DDAH1: variants seen among roughly 807,000 people sequenced by gnomAD.
The protein encoded by DDAH1 is N(G),N(G)-dimethylarginine dimethylaminohydrolase 1.
In DDAH1, 19 loss-of-function variants were observed where a neutral mutation model predicts 28.8. The ratio of observed to expected loss-of-function variants is 0.66; its 90% CI spans 0.46 to 0.97. The LOEUF (loss-of-function observed/expected upper bound fraction) is 0.97, where lower values mean the gene tolerates loss of function less well. Among genes scored for constraint, DDAH1 ranks in the 50% least tolerant of loss-of-function variants. The probability of loss-of-function intolerance (pLI) is 0.00; values close to 1 mark genes in which losing one functional copy is unlikely to be tolerated. For synonymous variants in DDAH1, 153 were observed against 154.4 expected (o/e 0.99, Z 0.07); for missense variants, 326 against 375.9 (o/e 0.87, Z 1.10).
chr1:85,493,414 A>G (rs1570606272), intron 2 of DDAH1: 2 of 152,284 alleles, frequency 1.3e-5, no homozygotes, highest in Admixed American at 1.3e-4. Flanking sequence ...AATCACCACA[A>G]CATACTAATA....
intron 2 of DDAH1, chr1:85,496,145 G>A: frequency 1.5e-6 from 1 of 663,170 alleles, no homozygotes; most frequent in Non-Finnish European, 1.9e-6. Context: ...TGTAAAGGAG[G>A]ACATCTAAAA....
intron 1 of DDAH1, among the ~76,000 whole-genome samples, chr1:85,400,185 T>TC (rs142170615): frequency 0.5 from 22,478 of 45,046 alleles, 4,747 homozygotes; most frequent in East Asian, 0.62. Flanking sequence ...TTCTTTTTTT[T>TC]TTTTTTTTTT....
intron 2 of DDAH1, among the ~76,000 whole-genome samples, chr1:85,484,668 T>C (rs1199642720): frequency 2.6e-5 from 4 of 152,222 alleles, no homozygotes; most frequent in Non-Finnish European, 5.9e-5. Flanking sequence ...AACAGTGCAA[T>C]TGATAATGCA....
At chr1:85,538,481 CGG>C (rs1363001073) in intron 1 of DDAH1, among the ~76,000 whole-genome samples, 10 of 152,086 alleles carry the variant, frequency 6.6e-5, no homozygotes, top group African/African-American at 2.4e-4. Context: ...GGGGAACACC[CGG>C]GGGCCTACCT....
At chr1:85,357,579 T>C (rs111506884) in intron 2 of DDAH1, among the ~76,000 whole-genome samples, 3 of 152,322 alleles carry the variant, frequency 2.0e-5, no homozygotes, top group African/African-American at 7.2e-5. Context: ...CAATATAAAA[T>C]TCACATCAGC....
chr1:85,474,213 C>G (rs946355318), intron 2 of DDAH1, among the ~76,000 whole-genome samples: 1 of 152,234 alleles, frequency 6.6e-6, no homozygotes, highest in African/African-American at 2.4e-5. Context: ...TCTGCTACCA[C>G]TTAGTCCAGA....
intron 1 of DDAH1, among the ~76,000 whole-genome samples, chr1:85,550,724 T>C (rs1050835216): frequency 3.9e-5 from 6 of 151,908 alleles, no homozygotes; most frequent in Admixed American, 3.9e-4. Flanking sequence ...GCCCAGTGAA[T>C]AACCCAAGTA....
At chr1:85,420,513 G>C (rs1250606530) in intron 1 of DDAH1, among the ~76,000 whole-genome samples, 1 of 152,156 alleles carries the variant, frequency 6.6e-6, no homozygotes, top group African/African-American at 2.4e-5. Flanking sequence ...TCACTCTAAA[G>C]TTCAAACTTC....
chr1:85,475,331 G>A (rs1469033509), intron 2 of DDAH1, among the ~76,000 whole-genome samples: 2 of 152,206 alleles, frequency 1.3e-5, no homozygotes, highest in Non-Finnish European at 1.5e-5. Context: ...AGGAGGAGAA[G>A]GGGGAGGAGG....
At chr1:85,329,876 A>T (rs1021233058) in intron 4 of DDAH1, among the ~76,000 whole-genome samples, 3 of 152,162 alleles carry the variant, frequency 2.0e-5, no homozygotes, top group Non-Finnish European at 4.4e-5. Flanking sequence ...AGCCTTTCTA[A>T]ATAAAAGGGA....
At chr1:85,548,166 G>T (rs1024517877) in intron 1 of DDAH1, among the ~76,000 whole-genome samples, 13 of 152,238 alleles carry the variant, frequency 8.5e-5, no homozygotes, top group African/African-American at 2.9e-4. Flanking sequence ...AAAGCATTAT[G>T]AATTTTGTTG....
intron 1 of DDAH1, among the ~76,000 whole-genome samples, chr1:85,569,791 G>C (rs985897160): frequency 6.6e-6 from 1 of 152,194 alleles, no homozygotes; most frequent in Non-Finnish European, 1.5e-5. Flanking sequence ...GAAAGGTGGA[G>C]GGAGTCTGGA....
chr1:85,401,754 C>T (rs1480285476), intron 1 of DDAH1, among the ~76,000 whole-genome samples: 4 of 152,044 alleles, frequency 2.6e-5, no homozygotes, highest in South Asian at 2.1e-4. Flanking sequence ...CCACCCACCT[C>T]GGCCTCCCAA....
At chr1:85,368,801 C>T (rs1326130289) in intron 1 of DDAH1, among the ~76,000 whole-genome samples, 1 of 152,082 alleles carries the variant, frequency 6.6e-6, no homozygotes, top group Non-Finnish European at 1.5e-5. Flanking sequence ...TTGCTGTGCA[C>T]ATGATCCAAA....
chr1:85,464,870 C>A lies in DDAH1; in HGVS notation c.176G>T (p.Gly59Val). The A allele has an allele frequency of 6.3e-7, 1 of 1,584,784 alleles. No individual in the cohort carries two copies. Among genetic ancestry groups the A allele is most frequent in the Non-Finnish European group, 8.5e-7 (1 of 1,174,126 alleles). The change falls in exon 1 of 6, where the codon GGG becomes GTG. Residue 59 changes from glycine to valine, a missense_variant. By Grantham distance (109) the Gly-to-Val change is moderately radical (BLOSUM62 -3). Coordinates refer to ENST00000284031, the MANE Select transcript of DDAH1 (RefSeq NM_012137.4). This position sits in a 1 kb window ranked among gnomAD's most constrained non-coding sequence, Gnocchi z 4.4. The part of the protein sequence containing the change: ...LYVGVLGSKL[G>V]LQVVELPADE... Reference sequence around the variant, plus strand: ...GGCCGGCAGCTCCACCACCTGCAGCCCCAGCTTGCTGCCCAGCACGCCCAC... The same window carrying A: ...GGCCGGCAGCTCCACCACCTGCAGCACCAGCTTGCTGCCCAGCACGCCCAC...
At chr1:85,463,664 G>T (rs945588349) in intron 1 of DDAH1, among the ~76,000 whole-genome samples, 3 of 152,208 alleles carry the variant, frequency 2.0e-5, no homozygotes, top group African/African-American at 7.2e-5. Context: ...AGTGGAGCAG[G>T]TGAGGAATAA....
intron 1 of DDAH1, among the ~76,000 whole-genome samples, chr1:85,560,900 G>T (rs11161638): frequency 0.22 from 33,420 of 151,698 alleles, 3,975 homozygotes; most frequent in South Asian, 0.45. Flanking sequence ...TTTTTTGATG[G>T]AAAGTAAACA....
intron 4 of DDAH1, among the ~76,000 whole-genome samples, chr1:85,325,432 A>G (rs1647323109): frequency 1.3e-5 from 2 of 152,168 alleles, no homozygotes; most frequent in South Asian, 4.1e-4. Flanking sequence ...TTGGCAGGTG[A>G]TGGCCTTAAT....
At chr1:85,491,990 G>T (rs879231763) in intron 2 of DDAH1, among the ~76,000 whole-genome samples, 2 of 152,126 alleles carry the variant, frequency 1.3e-5, no homozygotes, top group African/African-American at 4.8e-5. Context: ...CTAAATTTCA[G>T]GTGCTGGTCT....
Sources: allele counts gnomAD v4.1 joint callset (sites outside exome capture counted in the v4.1 genomes callset), GRCh38; gene constraint gnomAD v4.1.1; non-coding constraint Gnocchi (gnomAD v3.1); transcripts MANE v1.5; gene names NCBI Gene and HGNC (gene_info 2026-07-23, HGNC 2026-07-21).